CR1: variants seen among roughly 807,000 people sequenced by gnomAD.
CR1 encodes the protein complement receptor type 1.
CR1 carries 116 observed loss-of-function variants against 187.3 expected under a neutral mutation model. The observed-to-expected ratio is 0.62, with a 90% CI of 0.53 to 0.72. The LOEUF is 0.72. Among genes scored for constraint, CR1 ranks in the 30% least tolerant of loss-of-function variants. The pLI is 0.00. For missense variants in CR1, 1,731 were observed against 2,110.7 expected, an observed-to-expected ratio of 0.82 and a Z score of 3.52; for synonymous variants, 576 against 747.1, an observed-to-expected ratio of 0.77 and a Z score of 3.73.
chr1:207,574,577 TACAC>T (rs1205044146), intron 27 of CR1, among the ~76,000 whole-genome samples: 1 of 151,992 alleles, frequency 6.6e-6, no homozygotes, highest in African/African-American at 2.4e-5. Flanking sequence ...AATAAAAAAA[TACAC>T]ACAAAAACTC....
rs996439866 is a variant in CR1 at position 207,496,501 on chromosome 1, G to A, written c.121+113G>A. 24 of 1,113,486 alleles carry A rather than the reference G, an allele frequency of 2.2e-5. No individual in the cohort carries two copies. The African/African-American group carries it at 3.2e-4, about 15-fold the overall frequency. 69.0% of individuals were successfully genotyped at this position (1,113,486 alleles called of 1,614,324 possible). On this transcript the variant is annotated intron_variant, in intron 1 of 46. Coordinates refer to ENST00000367049, the MANE Select transcript of CR1 (RefSeq NM_000651.6). ...CTGCTCTGCGCGCCCGGGTCCGAAG[G>A]CAGCGCGATGGGTGGGCTGAGCGCG...
intron 46 of CR1, 27 bp from the exon 47 acceptor site, chr1:207,639,369 AT>A (rs1252553450): frequency 1.3e-5 from 21 of 1,591,372 alleles, no homozygotes; most frequent in Non-Finnish European, 1.5e-5. Flanking sequence ...CATGCTGTTA[AT>A]TAAATGAAAA....
Position 207,618,203 on chromosome 1 carries a change from G to A in CR1, c.7022G>A (p.Cys2341Tyr), listed in dbSNP as rs1322460871. The A allele has an allele frequency of 6.2e-7, 1 of 1,613,694 alleles. No homozygotes were observed. Among genetic ancestry groups the A allele is most frequent in the Non-Finnish European group, 8.5e-7 (1 of 1,179,794 alleles). Residue 2341 changes from cysteine to tyrosine, a missense_variant, in exon 42 of 47, where the codon TGT (cysteine) becomes TAT (tyrosine). By Grantham distance (194) the Cys-to-Tyr change is radical (BLOSUM62 -2). Coordinates refer to ENST00000367049, the MANE Select transcript of CR1 (RefSeq NM_000651.6). Reference sequence around the variant, plus strand: ...TTAGTGGGAAAGGGCTTCATTTTCTGTACAGACCAGGGAATCTGGAGCCAA... The same window carrying A: ...TTAGTGGGAAAGGGCTTCATTTTCTATACAGACCAGGGAATCTGGAGCCAA... ...YLLVGKGFIF[C>Y]TDQGIWSQLD...
At chr1:207,636,439 G>C (rs961165794) in intron 46 of CR1, among the ~76,000 whole-genome samples, 2 of 132,346 alleles carry the variant, frequency 1.5e-5, no homozygotes, top group African/African-American at 7.2e-5. Flanking sequence ...ATAAACTTGG[G>C]GTGTAATACA....
intron 35 of CR1, among the ~76,000 whole-genome samples, chr1:207,594,263 C>T (rs1461703295): frequency 6.6e-6 from 1 of 152,152 alleles, no homozygotes; most frequent in East Asian, 1.9e-4. Flanking sequence ...CCATGGAATA[C>T]TATGCAGCCA....
At chr1:207,605,432 A>T (rs953186573) in intron 35 of CR1, among the ~76,000 whole-genome samples, 5 of 152,178 alleles carry the variant, frequency 3.3e-5, no homozygotes, top group Admixed American at 3.3e-4. Context: ...TGCAACAGAA[A>T]CATATATCAA....
intron 1 of CR1, 54 bp from the exon 2 acceptor site, chr1:207,505,850 A>C: frequency 1.3e-6 from 2 of 1,559,032 alleles, no homozygotes; most frequent in Non-Finnish European, 1.7e-6. Context: ...AAGAAAAAAA[A>C]AAGTATGGTA....
intron 3 of CR1, among the ~76,000 whole-genome samples, chr1:207,508,319 AG>A (rs1659508115): frequency 6.6e-6 from 1 of 152,270 alleles, no homozygotes; most frequent in African/African-American, 2.4e-5. Flanking sequence ...GTGTCAGTGT[AG>A]GTTCCTCAAT....
At chr1:207,628,550 A>G (rs940872534) in intron 45 of CR1, among the ~76,000 whole-genome samples, 12 of 152,218 alleles carry the variant, frequency 7.9e-5, no homozygotes, top group Admixed American at 6.5e-5. Context: ...TCTAGGTTCA[A>G]AGAAATTCAG....
At chr1:207,607,192 A>C in intron 35 of CR1, 59 bp from the exon 36 acceptor site, 1 of 1,312,890 alleles carries the variant, frequency 7.6e-7, no homozygotes, top group Non-Finnish European at 1.1e-6. Context: ...TATTTTCTAA[A>C]TGGTGAGTTA....
chr1:207,617,640 G>T (rs1252611308), intron 41 of CR1, among the ~76,000 whole-genome samples: 7 of 92,780 alleles, frequency 7.5e-5, no homozygotes, highest in Admixed American at 2.4e-4. Flanking sequence ...GAGAGAGAGA[G>T]AGAGAGAGAG....
At chr1:207,568,117 A>C in intron 25 of CR1, 75 bp downstream of exon 25, 1 of 1,609,504 alleles carries the variant, frequency 6.2e-7, no homozygotes, top group Non-Finnish European at 8.5e-7. Context: ...CCATAATTAC[A>C]GTGTAGTATT....
chr1:207,632,919 AGAGTGCTATGG>A (rs1662695512), intron 46 of CR1, among the ~76,000 whole-genome samples: 1 of 152,080 alleles, frequency 6.6e-6, no homozygotes, highest in African/African-American at 2.4e-5. Context: ...CTTTACTATC[AGAGTGCTATGG>A]GGGAAAAGTC....
At chr1:207,580,657 A>C (rs375743950) in intron 31 of CR1, 44 bp downstream of exon 31, 339 of 1,537,688 alleles carry the variant, frequency 2.2e-4, no homozygotes, top group Non-Finnish European at 1.8e-4. Context: ...AGCACTGCAG[A>C]GTGACTCTTG....
At chr1:207,511,481 A>G (rs1659614684) in intron 3 of CR1, 88 bp from the exon 4 acceptor site, 3 of 1,340,528 alleles carry the variant, frequency 2.2e-6, no homozygotes, top group South Asian at 1.2e-5. Flanking sequence ...TCTGAATCCT[A>G]TAAGAGTGTA....
At chr1:207,589,868 GA>G (rs1365869813) in intron 35 of CR1, among the ~76,000 whole-genome samples, 1 of 152,198 alleles carries the variant, frequency 6.6e-6, no homozygotes, top group Admixed American at 6.5e-5. Context: ...AAGGATATCA[GA>G]GATTGAAGAT....
At chr1:207,591,901 G>A (rs949856676) in intron 35 of CR1, among the ~76,000 whole-genome samples, 1 of 152,180 alleles carries the variant, frequency 6.6e-6, no homozygotes, top group Non-Finnish European at 1.5e-5. Flanking sequence ...ACAGGAAGAA[G>A]TCGAATCCCT....
chr1:207,502,258 C>T (rs1395357503), intron 1 of CR1, among the ~76,000 whole-genome samples: 2 of 151,994 alleles, frequency 1.3e-5, no homozygotes, highest in Non-Finnish European at 2.9e-5. Context: ...AGATAAAAAG[C>T]ACAAATTGTA....
intron 35 of CR1, among the ~76,000 whole-genome samples, chr1:207,602,954 A>G (rs962002174): frequency 6.6e-6 from 1 of 152,160 alleles, no homozygotes; most frequent in African/African-American, 2.4e-5. Context: ...TAGGACTTAT[A>G]AGCAGAAGAT....
Sources: allele counts gnomAD v4.1 joint callset (sites outside exome capture counted in the v4.1 genomes callset), GRCh38; gene constraint gnomAD v4.1.1; transcripts MANE v1.5; gene names NCBI Gene and HGNC (gene_info 2026-07-23, HGNC 2026-07-21).